Variants in PCDHGA9 observed in about 807,000 individuals in gnomAD.
PCDHGA9 encodes protocadherin gamma-A9.
Under a neutral mutation model 62.5 loss-of-function variants are expected in PCDHGA9, and 37 were observed. That is an observed-to-expected ratio of 0.59 (90% CI 0.46 to 0.78). PCDHGA9 has a LOEUF of 0.78. Ranked by LOEUF, PCDHGA9 falls within the 30% of genes least tolerant of loss-of-function variation. The pLI is 0.00. For missense variants in PCDHGA9, 1,138 were observed against 1,166.2 expected, an observed-to-expected ratio of 0.98 and a Z score of 0.35; for synonymous variants, 459 against 484.6, an observed-to-expected ratio of 0.95 and a Z score of 0.69.
At position 141,493,412 on chromosome 5, in the gene PCDHGA9, G is replaced by A. The variant is rs1288041038; in HGVS notation, c.2425-1395G>A. Among the ~76,000 whole-genome samples, 3 of 152,114 alleles carry A rather than the reference G, an allele frequency of 2.0e-5. No individual in the cohort carries two copies. The highest frequency in any genetic ancestry group is 4.4e-5 in the Non-Finnish European group (3 of 68,024). On this transcript the variant is annotated intron_variant, in intron 1 of 3. Coordinates refer to ENST00000573521, the MANE Select transcript of PCDHGA9 (RefSeq NM_018921.3). This position sits in a 1 kb window ranked among gnomAD's most constrained non-coding sequence, Gnocchi z 4.3. ...CAGGAGAGGGGAGTTGCCTCTGCTG[G>A]GATTTTGCTTCTGCTGGGATGGGGC...
At chr5:141,420,252 C>T (rs745697672) in intron 1 of PCDHGA9, 1 of 1,576,604 alleles carries the variant, frequency 6.3e-7, no homozygotes, top group Non-Finnish European at 8.6e-7. Flanking sequence ...AGCGTTGAAG[C>T]AGATAAGAAG....
At position 141,512,750 on chromosome 5, in the gene PCDHGA9, G is replaced by C. The variant is rs538475261; in HGVS notation, c.*1577G>C. The C allele has an allele frequency of 2.6e-5, 4 of 152,894 alleles. No homozygotes were observed. The highest frequency in any genetic ancestry group is 4.4e-5 in the Non-Finnish European group (3 of 68,656). 9.5% of individuals were successfully genotyped at this position (152,894 alleles called of 1,614,324 possible). ...AGCGGGCGGCGGGCTCCGCGCAGCC[G>C]TCTGTCCTTGATCTGCCCGCGGCGG... On this transcript the variant is annotated 3_prime_UTR_variant, in exon 4 of 4. Coordinates refer to ENST00000573521, the MANE Select transcript of PCDHGA9 (RefSeq NM_018921.3).
intron 1 of PCDHGA9, chr5:141,422,687 T>C: frequency 6.2e-7 from 1 of 1,604,936 alleles, no homozygotes; most frequent in Non-Finnish European, 8.5e-7. Flanking sequence ...CAGAATGCCC[T>C]GGTCACTTAC....
chr5:141,456,087 C>T (rs1218579202), intron 1 of PCDHGA9, among the ~76,000 whole-genome samples: 1 of 151,886 alleles, frequency 6.6e-6, no homozygotes, highest in Non-Finnish European at 1.5e-5. Context: ...TCAGTAGAGA[C>T]GGGATTTCAC....
Position 141,490,270 on chromosome 5 carries a change from A to G in PCDHGA9, c.2425-4537A>G. On this transcript the variant is annotated intron_variant, in intron 1 of 3. Coordinates refer to ENST00000573521, the MANE Select transcript of PCDHGA9 (RefSeq NM_018921.3). The surrounding 1 kb of genome is among the most constrained non-coding windows in gnomAD (Gnocchi z 5.4). The stretch of plus-strand genomic sequence containing the variant: ...GATTCAAGTGGATGTGGGGGATGTC[A>G]ATGACAATGCCCCAGAGGTGCTATT... The G allele has an allele frequency of 6.2e-7, 1 of 1,614,226 alleles. No individual in the cohort carries two copies. Among genetic ancestry groups the G allele is most frequent in the African/African-American group, 1.3e-5 (1 of 75,060 alleles).
intron 1 of PCDHGA9, among the ~76,000 whole-genome samples, chr5:141,464,748 T>A (rs995568259): frequency 2.0e-5 from 3 of 152,190 alleles, no homozygotes; most frequent in Admixed American, 2.0e-4. Flanking sequence ...TATCTTTTTG[T>A]TTTTTTAGAG....
Position 141,511,703 on chromosome 5 carries a change from T to G in PCDHGA9, c.*530T>G, listed in dbSNP as rs148447880. On this transcript the variant is annotated 3_prime_UTR_variant, in exon 4 of 4. Coordinates refer to ENST00000573521, the MANE Select transcript of PCDHGA9 (RefSeq NM_018921.3). ...AAAGCATGGTTTGGTGCCAGCCCCT[T>G]CACCTCCTTCCAGAGCCCAAGATCA... The G allele has an allele frequency of 1.1e-4, 21 of 189,942 alleles. No homozygotes were observed. In the East Asian group the frequency reaches 2.4e-3, roughly 22 times the overall value. 11.8% of individuals were successfully genotyped at this position (189,942 alleles called of 1,614,324 possible).
At chr5:141,423,225 C>T (rs763729316) in intron 1 of PCDHGA9, 3 of 1,613,804 alleles carry the variant, frequency 1.9e-6, no homozygotes, top group South Asian at 1.1e-5. Context: ...TGGCTGTGGC[C>T]GACAGCATCC....
At position 141,431,468 on chromosome 5, in the gene PCDHGA9, G is replaced by A. The variant is rs756718016; in HGVS notation, c.2424+26092G>A. ...CCGCGTGATGGTTCTGGATGCGAAC[G>A]ACAACGCACCAGCGTTTGCTCAGCC... On this transcript the variant is annotated intron_variant, in intron 1 of 3. Transcript: ENST00000573521. This position sits in a 1 kb window ranked among gnomAD's most constrained non-coding sequence, Gnocchi z 4.8. The A allele has an allele frequency of 3.7e-6, 6 of 1,613,804 alleles. No homozygotes were observed. In the Admixed American group the frequency reaches 8.3e-5, roughly 22 times the overall value.
Position 141,490,162 on chromosome 5 carries a change from A to C in PCDHGA9, c.2425-4645A>C. ...TGGGGCAATCCATGTGTTGGGTCCC[A>C]TAGACTTTGAGGAGTCACGTTTCTA... On this transcript the variant is annotated intron_variant, in intron 1 of 3. Coordinates refer to ENST00000573521, the MANE Select transcript of PCDHGA9 (RefSeq NM_018921.3). The surrounding 1 kb of genome is among the most constrained non-coding windows in gnomAD (Gnocchi z 5.4). The C allele has an allele frequency of 6.2e-7, 1 of 1,614,218 alleles. No individual in the cohort carries two copies. The highest frequency in any genetic ancestry group is 8.5e-7 in the Non-Finnish European group (1 of 1,180,028).
At position 141,432,651 on chromosome 5, in the gene PCDHGA9, C is replaced by A; in HGVS notation, c.2424+27275C>A. 2.5e-6 allele frequency: 4 copies of A among 1,613,824 alleles called. No individual in the cohort carries two copies. The highest frequency in any genetic ancestry group is 1.1e-5 in the South Asian group (1 of 91,058). ...ACGGGCGAGGTGCGCACGGCGCGAG[C>A]CCTGCTGGACAGAGACGCGCTCAAG... On this transcript the variant is annotated intron_variant, in intron 1 of 3. Coordinates refer to ENST00000573521, the MANE Select transcript of PCDHGA9 (RefSeq NM_018921.3). This position sits in a 1 kb window ranked among gnomAD's most constrained non-coding sequence, Gnocchi z 6.0.
At chr5:141,466,123 A>G (rs961197575) in intron 1 of PCDHGA9, among the ~76,000 whole-genome samples, 1 of 151,364 alleles carries the variant, frequency 6.6e-6, no homozygotes, top group African/African-American at 2.4e-5. Flanking sequence ...CTCCAGCTCA[A>G]AAAAAAAATC....
chr5:141,422,115 T>C, intron 1 of PCDHGA9: 1 of 1,605,004 alleles, frequency 6.2e-7, no homozygotes, highest in South Asian at 1.1e-5. Context: ...TCCAATTGGA[T>C]TCACAAACTG....
In PCDHGA9 at chr5:141,476,990, C is replaced by A; in HGVS notation, c.2425-17817C>A. On this transcript the variant is annotated intron_variant, in intron 1 of 3. Coordinates refer to ENST00000573521, the MANE Select transcript of PCDHGA9 (RefSeq NM_018921.3). The surrounding 1 kb of genome is among the most constrained non-coding windows in gnomAD (Gnocchi z 7.6). Reference sequence around the variant, plus strand: ...CGGCAGCCACAACCGCGCCGGCGTGCGGCAACTATTCGCCTTAGACCTTGT... The same window carrying A: ...CGGCAGCCACAACCGCGCCGGCGTGAGGCAACTATTCGCCTTAGACCTTGT... The A allele has an allele frequency of 6.2e-7, 1 of 1,614,220 alleles. No individual in the cohort carries two copies. Among genetic ancestry groups the A allele is most frequent in the South Asian group, 1.1e-5 (1 of 91,090 alleles).
chr5:141,407,406 C>T (rs971404616), intron 1 of PCDHGA9, among the ~76,000 whole-genome samples: 2 of 152,090 alleles, frequency 1.3e-5, no homozygotes, highest in East Asian at 3.8e-4. Flanking sequence ...AGTTACTATT[C>T]GATACCACAA....
chr5:141,422,011 G>T (rs200879435), intron 1 of PCDHGA9: 2 of 1,610,252 alleles, frequency 1.2e-6, no homozygotes, highest in East Asian at 2.2e-5. Flanking sequence ...CGGAACTCGG[G>T]TGCTGATGGT....
At chr5:141,468,748 C>T (rs2099176836) in intron 1 of PCDHGA9, among the ~76,000 whole-genome samples, 1 of 151,866 alleles carries the variant, frequency 6.6e-6, no homozygotes, top group South Asian at 2.1e-4. Context: ...TGCCTGTAGT[C>T]CCAGCTACTC....
chr5:141,431,554 C>G lies in PCDHGA9; in HGVS notation c.2424+26178C>G. 1 of 1,614,126 alleles carries G rather than the reference C, an allele frequency of 6.2e-7. No homozygotes were observed. The highest frequency in any genetic ancestry group is 1.7e-5 in the Admixed American group (1 of 60,032). ...TGGGCACGCAGCTGCTTGTAGTCAA[C>G]GCTACCGACCCTGACGAAGGAGTCA... is the stretch of plus-strand genomic sequence containing the variant. On this transcript the variant is annotated intron_variant, in intron 1 of 3. Coordinates refer to ENST00000573521, the MANE Select transcript of PCDHGA9 (RefSeq NM_018921.3). This position sits in a 1 kb window ranked among gnomAD's most constrained non-coding sequence, Gnocchi z 4.8.
intron 2 of PCDHGA9, 22 bp downstream of exon 2, chr5:141,494,887 C>T (rs116522768): frequency 0.014 from 22,125 of 1,614,118 alleles, 208 homozygotes; most frequent in Middle Eastern, 0.021. Context: ...ATTCTCCAGC[C>T]CACCCTCTTC....
Sources: allele counts gnomAD v4.1 joint callset (sites outside exome capture counted in the v4.1 genomes callset), GRCh38; gene constraint gnomAD v4.1.1; non-coding constraint Gnocchi (gnomAD v3.1); transcripts MANE v1.5; gene names NCBI Gene and HGNC (gene_info 2026-07-23, HGNC 2026-07-21).